The following PTPN23 variants were observed in gnomAD, a reference collection of about 807,000 sequenced individuals.
PTPN23 encodes the protein protein tyrosine phosphatase non-receptor type 23.
In PTPN23, 72 loss-of-function variants were observed where a neutral mutation model predicts 156.3. That is an observed-to-expected ratio of 0.46 (90% CI 0.38 to 0.56). The LOEUF is 0.56. Among genes scored for constraint, PTPN23 ranks in the 20% least tolerant of loss-of-function variants. The pLI is 0.00. For synonymous variants in PTPN23, 957 were observed against 899.6 expected, an observed-to-expected ratio of 1.06 and a Z score of -1.14; for missense variants, 1,974 against 2,171.5, an observed-to-expected ratio of 0.91 and a Z score of 1.81.
chr3:47,383,083 G>A (rs1325703894), intron 1 of PTPN23, among the ~76,000 whole-genome samples: 1 of 152,090 alleles, frequency 6.6e-6, no homozygotes, highest in Non-Finnish European at 1.5e-5. Flanking sequence ...TTCCATTAGA[G>A]TTCTTCCAGA....
In PTPN23 at chr3:47,409,948, C is replaced by T. The variant is rs745783479; in HGVS notation, c.2150C>T (p.Pro717Leu). The change falls in exon 20 of 25, where the codon CCG becomes CTG. Residue 717 changes from proline to leucine, a missense_variant. Physicochemically the swap from Pro to Leu is moderately conservative, Grantham distance 98. Coordinates refer to ENST00000265562, the MANE Select transcript of PTPN23 (RefSeq NM_015466.4). ...LLDRELKKKP[P>L]PRPTAPKPLL... ...CACAGGGAGCTGAAGAAGAAGCCGCCGCCACGGCCCACAGCCCCAAAGCCG... is the reference window on the plus strand; with the variant it reads ...CACAGGGAGCTGAAGAAGAAGCCGCTGCCACGGCCCACAGCCCCAAAGCCG... 35 of 1,566,914 alleles carry T rather than the reference C, an allele frequency of 2.2e-5. No homozygotes were observed. The highest frequency in any genetic ancestry group is 9.7e-5 in the Admixed American group (5 of 51,652).
chr3:47,394,531 G>T (rs1381574568), intron 1 of PTPN23, among the ~76,000 whole-genome samples: 2 of 152,018 alleles, frequency 1.3e-5, no homozygotes, highest in African/African-American at 2.4e-5. Context: ...GTAGAGACGG[G>T]TCTTGCTCTT....
chr3:47,404,068 T>G lies in PTPN23; in HGVS notation c.160-584T>G, dbSNP rs1158209173. 4.6e-5 allele frequency among the ~76,000 whole-genome samples: 7 copies of G among 152,242 alleles called. No individual in the cohort carries two copies. The South Asian group carries it at 8.3e-4, about 18-fold the overall frequency. On this transcript the variant is annotated intron_variant, in intron 2 of 24. Coordinates refer to ENST00000265562, the MANE Select transcript of PTPN23 (RefSeq NM_015466.4). ...CAACATGGCAAAACCCTGTCTCTAT[T>G]AAATTCAAAAAACTGTGGGCCAAAA...
intron 16 of PTPN23, 23 bp from the exon 17 acceptor site, chr3:47,409,140 T>A: frequency 6.2e-7 from 1 of 1,609,442 alleles, no homozygotes; most frequent in Non-Finnish European, 8.5e-7. Flanking sequence ...TTCTCTGGCC[T>A]CACTGACCAC....
In PTPN23 at chr3:47,411,130, G is replaced by C. The variant is rs1369387943; in HGVS notation, c.3332G>C (p.Arg1111Pro). 3 of 1,600,594 alleles carry C rather than the reference G, an allele frequency of 1.9e-6. No individual in the cohort carries two copies. Among genetic ancestry groups the C allele is most frequent in the Non-Finnish European group, 2.6e-6 (3 of 1,175,086 alleles). ...PPAAEPPPCL[R>P]RGAAAADLLS... is the part of the protein sequence containing the mutation. Reference sequence around the variant, plus strand: ...GCAGCAGAACCACCCCCTTGCCTGCGCCGAGGCGCCGCAGCTGCAGACCTG... The same window carrying C: ...GCAGCAGAACCACCCCCTTGCCTGCCCCGAGGCGCCGCAGCTGCAGACCTG... Residue 1111 changes from arginine to proline, a missense_variant, in exon 20 of 25, where the codon CGC becomes CCC. Arg to Pro is a moderately radical substitution (Grantham distance 103). This residue lies in a region of PTPN23 where 731 missense variants were observed against 669.1 expected (regional missense o/e 1.09). Transcript: ENST00000265562. The surrounding 1 kb of genome is among the most constrained non-coding windows in gnomAD (Gnocchi z 6.3).
Position 47,410,045 on chromosome 3 carries a change from C to T in PTPN23, c.2247C>T (p.Pro749=). 6.2e-6 allele frequency: 10 copies of T among 1,611,612 alleles called. No individual in the cohort carries two copies. Among genetic ancestry groups the T allele is most frequent in the Non-Finnish European group, 8.5e-6 (10 of 1,179,072 alleles). The change falls in exon 20 of 25, where the codon CCC becomes CCT. Residue 749 remains proline, a synonymous_variant. Coordinates refer to ENST00000265562, the MANE Select transcript of PTPN23 (RefSeq NM_015466.4). The stretch of plus-strand genomic sequence containing the variant: ...CCCCTGAGGAGCTGCGCAGCCTCCC[C>T]CCTGACATGGTGGCTGGCCCACGAC... ...GDPPEELRSL[P]PDMVAGPRLP... is the part of the protein sequence containing the mutation.
intron 1 of PTPN23, among the ~76,000 whole-genome samples, chr3:47,381,397 C>A (rs1704534648): frequency 6.6e-6 from 1 of 152,224 alleles, no homozygotes; most frequent in South Asian, 2.1e-4. Context: ...GCACCTGCAT[C>A]TTCATCTGAA....
At position 47,409,537 on chromosome 3, in the gene PTPN23, G is replaced by A. The variant is rs368601751; in HGVS notation, c.1918G>A (p.Val640Met). ...AGAGGCCAACGTGCAGTACGCAGCC[G>A]TGCGGCGGGTACTCAGCGACTTGGA... Reference protein sequence around the residue: ...LTEANVQYAAVRRVLSDLDQK... With the variant: ...LTEANVQYAAMRRVLSDLDQK... The change falls in exon 18 of 25, where the codon GTG (valine) becomes ATG (methionine). Residue 640 changes from valine (V) to methionine (M), a missense_variant. Transcript: ENST00000265562. 6.2e-6 allele frequency: 10 copies of A among 1,613,940 alleles called. No individual in the cohort carries two copies. The highest frequency in any genetic ancestry group is 4.0e-5 in the African/African-American group (3 of 75,048).
At chr3:47,396,432 A>G (rs1257437169) in intron 2 of PTPN23, 1 of 357,314 alleles carries the variant, frequency 2.8e-6, no homozygotes, top group African/African-American at 2.2e-5. Context: ...AAAATTAGGC[A>G]GGTGTGGTGT....
intron 1 of PTPN23, among the ~76,000 whole-genome samples, chr3:47,393,814 A>G (rs1291466562): frequency 6.6e-6 from 1 of 151,744 alleles, no homozygotes; most frequent in Non-Finnish European, 1.5e-5. Context: ...GTGTGCACAC[A>G]GCTCACCACA....
intron 1 of PTPN23, among the ~76,000 whole-genome samples, chr3:47,386,588 C>G (rs1357968756): frequency 3.3e-5 from 5 of 152,180 alleles, no homozygotes; most frequent in Middle Eastern, 3.4e-3. Flanking sequence ...ATGGCTGGCT[C>G]TTGAAAAACT....
rs754806864 is a variant in PTPN23 at position 47,405,105 on chromosome 3, C to G, written c.364+24C>G. ...TGGTGAGCTGCCTGATCCCTTCCCC[C>G]GGCCCTACTCCCCAGTCCTGCCAGC... On this transcript the variant is annotated intron_variant, in intron 4 of 24. Transcript: ENST00000265562. The surrounding 1 kb of genome is among the most constrained non-coding windows in gnomAD (Gnocchi z 4.7). 2 of 1,608,010 alleles carry G rather than the reference C, an allele frequency of 1.2e-6. No individual in the cohort carries two copies. Among genetic ancestry groups the G allele is most frequent in the African/African-American group, 2.7e-5 (2 of 74,826 alleles).
Position 47,409,048 on chromosome 3 carries a change from C to A in PTPN23, c.1603C>A (p.Gln535Lys), listed in dbSNP as rs745341604. ...NLRLLSGPLD[Q>K]VRAALPTPAL... is the part of the protein sequence containing the mutation. ...GCGCCTGCTCAGCGGGCCGCTTGAC[C>A]AGGTCCGGGCTGCCCTGCCCACACC... Residue 535 changes from glutamine (Q) to lysine (K), a missense_variant, in exon 16 of 25, where the codon CAG (glutamine) becomes AAG (lysine). Gln to Lys is a moderately conservative substitution (Grantham distance 53). Coordinates refer to ENST00000265562, the MANE Select transcript of PTPN23 (RefSeq NM_015466.4). The A allele has an allele frequency of 2.5e-6, 4 of 1,613,496 alleles. No homozygotes were observed. In the African/African-American group the frequency reaches 5.3e-5, roughly 22 times the overall value.
At chr3:47,383,718 C>T (rs994604268) in intron 1 of PTPN23, among the ~76,000 whole-genome samples, 6 of 152,214 alleles carry the variant, frequency 3.9e-5, no homozygotes, top group Non-Finnish European at 2.9e-5. Flanking sequence ...CGATTCACAC[C>T]GACCCAAAGG....
Position 47,411,077 on chromosome 3 carries a change from G to T in PTPN23, c.3279G>T (p.Gly1093=), listed in dbSNP as rs1415674040. The T allele has an allele frequency of 6.3e-7, 1 of 1,587,790 alleles. No individual in the cohort carries two copies. Among genetic ancestry groups the T allele is most frequent in the Admixed American group, 1.7e-5 (1 of 57,270 alleles). The change falls in exon 20 of 25, where the codon GGG becomes GGT. Residue 1093 remains glycine (G), a synonymous_variant. Transcript: ENST00000265562. The surrounding 1 kb of genome is among the most constrained non-coding windows in gnomAD (Gnocchi z 6.3). The part of the protein sequence containing the change: ...HLVPSPAPSP[G]PGPVPPRPPA... ...TGCCTTCACCTGCCCCATCTCCAGG[G>T]CCTGGTCCGGTACCCCCTCGCCCCC...
rs754936403 is a variant in PTPN23, at chr3:47,381,199, T to TA, written c.84+19_84+20insA. On this transcript the variant is annotated intron_variant, in intron 1 of 24. Coordinates refer to ENST00000265562, the MANE Select transcript of PTPN23 (RefSeq NM_015466.4). ...GAAGAAGGTGAGCTTGCCTTCCATC[T>TA]TCCCCCCTATCCGCCGCGTATCTCC... The TA allele has an allele frequency of 1.9e-5, 30 of 1,566,286 alleles. No homozygotes were observed. The African/African-American group carries it at 3.8e-4, about 20-fold the overall frequency.
At chr3:47,399,189 T>C (rs533800855) in intron 2 of PTPN23, among the ~76,000 whole-genome samples, 1 of 152,326 alleles carries the variant, frequency 6.6e-6, no homozygotes, top group African/African-American at 2.4e-5. Context: ...GACAGAGTCC[T>C]TTTTGTCCAT....
Position 47,405,092 on chromosome 3 carries a change from T to C in PTPN23, c.364+11T>C. ...TTCTCTACAACCTTGGTGAGCTGCCTGATCCCTTCCCCCGGCCCTACTCCC... is the reference window on the plus strand; with the variant it reads ...TTCTCTACAACCTTGGTGAGCTGCCCGATCCCTTCCCCCGGCCCTACTCCC... On this transcript the variant is annotated intron_variant, in intron 4 of 24. Coordinates refer to ENST00000265562, the MANE Select transcript of PTPN23 (RefSeq NM_015466.4). This position sits in a 1 kb window ranked among gnomAD's most constrained non-coding sequence, Gnocchi z 4.7. The C allele has an allele frequency of 6.2e-7, 1 of 1,613,566 alleles. No homozygotes were observed. Among genetic ancestry groups the C allele is most frequent in the Non-Finnish European group, 8.5e-7 (1 of 1,179,486 alleles).
Position 47,404,798 on chromosome 3 carries a change from G to T in PTPN23, c.287+19G>T. 1 of 1,611,810 alleles carries T rather than the reference G, an allele frequency of 6.2e-7. No individual in the cohort carries two copies. The highest frequency in any genetic ancestry group is 8.5e-7 in the Non-Finnish European group (1 of 1,179,108). ...TCACCTGGTGAGAGCCGCAGGCAGGGCTGGAGGATCCCACGGGGAGTCTGG... is the reference window on the plus strand; with the variant it reads ...TCACCTGGTGAGAGCCGCAGGCAGGTCTGGAGGATCCCACGGGGAGTCTGG... On this transcript the variant is annotated intron_variant, in intron 3 of 24. Coordinates refer to ENST00000265562, the MANE Select transcript of PTPN23 (RefSeq NM_015466.4).
Sources: allele counts gnomAD v4.1 joint callset (sites outside exome capture counted in the v4.1 genomes callset), GRCh38; gene constraint gnomAD v4.1.1; regional missense constraint gnomAD v4.1.1; non-coding constraint Gnocchi (gnomAD v3.1); transcripts MANE v1.5; gene names NCBI Gene and HGNC (gene_info 2026-07-23, HGNC 2026-07-21).